PTPRQ: variants seen among roughly 807,000 people sequenced by gnomAD.
PTPRQ encodes the protein phosphatidylinositol phosphatase PTPRQ.
In PTPRQ, 199 loss-of-function variants were observed where a neutral mutation model predicts 246.0. The ratio of observed to expected loss-of-function variants is 0.81; its 90% confidence interval spans 0.72 to 0.91. The LOEUF is 0.91. Ranked by LOEUF, PTPRQ falls within the 40% of genes least tolerant of loss-of-function variation. The pLI is 0.00. For synonymous variants in PTPRQ, 869 were observed against 853.2 expected, an observed-to-expected ratio of 1.02 and a Z score of -0.32; for missense variants, 2,624 against 2,528.4, an observed-to-expected ratio of 1.04 and a Z score of -0.81.
chr12:80,667,508 T>A (rs1274456018), intron 39 of PTPRQ, among the ~76,000 whole-genome samples: 1 of 151,980 alleles, frequency 6.6e-6, no homozygotes, highest in South Asian at 2.1e-4. Context: ...GTAATTTGCA[T>A]ACATAATATA....
intron 24 of PTPRQ, 118 bp from the exon 25 acceptor site, chr12:80,549,347 A>G: frequency 1.6e-6 from 2 of 1,245,830 alleles, no homozygotes; most frequent in Non-Finnish European, 2.2e-6. Context: ...TGAAAATTTG[A>G]TATATTAAAT....
chr12:80,575,164 T>C (rs1403309925), intron 25 of PTPRQ, among the ~76,000 whole-genome samples: 1 of 152,246 alleles, frequency 6.6e-6, no homozygotes, highest in East Asian at 1.9e-4. Context: ...TTTATTAAAA[T>C]ATCTAGTCAC....
intron 17 of PTPRQ, among the ~76,000 whole-genome samples, chr12:80,521,180 T>TATCCTTTGCCC (rs748023803): frequency 6.4e-4 from 98 of 152,356 alleles, no homozygotes; most frequent in Non-Finnish European, 9.4e-4. Flanking sequence ...TGTCTGTTCA[T>TATCCTTTGCCC]ATCCTTTGCC....
chr12:80,533,176 C>G (rs567355890), intron 17 of PTPRQ, among the ~76,000 whole-genome samples: 2 of 151,978 alleles, frequency 1.3e-5, no homozygotes, highest in South Asian at 4.2e-4. Flanking sequence ...AAAAATAATG[C>G]ACATTTTTCA....
At chr12:80,453,271 A>G (rs376860055) in intron 3 of PTPRQ, among the ~76,000 whole-genome samples, 1 of 151,834 alleles carries the variant, frequency 6.6e-6, no homozygotes, top group South Asian at 2.1e-4. Context: ...ATTCGTCTAC[A>G]TTTTTTTCAT....
chr12:80,597,018 G>A (rs1293289926), intron 26 of PTPRQ, among the ~76,000 whole-genome samples: 1 of 151,926 alleles, frequency 6.6e-6, no homozygotes, highest in Non-Finnish European at 1.5e-5. Flanking sequence ...ACTAGGACTT[G>A]AGCAAAGCCT....
chr12:80,564,215 A>G (rs1896915750), intron 25 of PTPRQ, among the ~76,000 whole-genome samples: 1 of 152,070 alleles, frequency 6.6e-6, no homozygotes, highest in African/African-American at 2.4e-5. Flanking sequence ...TAGCATTAAG[A>G]GCAGATTTTT....
chr12:80,547,816 G>T (rs1489680789), intron 24 of PTPRQ, among the ~76,000 whole-genome samples: 1 of 152,072 alleles, frequency 6.6e-6, no homozygotes, highest in Non-Finnish European at 1.5e-5. Context: ...CACAGTAAAT[G>T]CCCACTTCAT....
At chr12:80,595,486 C>A (rs1897939655) in intron 26 of PTPRQ, among the ~76,000 whole-genome samples, 1 of 151,772 alleles carries the variant, frequency 6.6e-6, no homozygotes, top group Non-Finnish European at 1.5e-5. Flanking sequence ...ATTGTTATTG[C>A]CAAAATTAAA....
rs116774917 is a variant in PTPRQ at position 80,660,842 on chromosome 12, G to A, written c.6192+2781G>A. Among the ~76,000 whole-genome samples, 796 of 152,028 alleles carry A rather than the reference G, an allele frequency of 5.2e-3. 3 individuals are homozygous for A. The highest frequency in any genetic ancestry group is 0.017 in the African/African-American group (709 of 41,510). On this transcript the variant is annotated intron_variant, in intron 39 of 44. Coordinates refer to ENST00000644991, the MANE Select transcript of PTPRQ (RefSeq NM_001145026.2). ...CAAAATCAATTTATTAATATTGATCGTCCTCTCTTCTTTGATCCCTCCAAA... is the reference window on the plus strand; with the variant it reads ...CAAAATCAATTTATTAATATTGATCATCCTCTCTTCTTTGATCCCTCCAAA...
chr12:80,542,951 A>C, intron 23 of PTPRQ, 70 bp downstream of exon 23: 1 of 1,111,844 alleles, frequency 9.0e-7, no homozygotes, highest in Non-Finnish European at 1.2e-6. Context: ...TTTGACATAT[A>C]GGAGGAAAAT....
chr12:80,462,221 A>T (rs554194187), intron 6 of PTPRQ, among the ~76,000 whole-genome samples: 2 of 152,246 alleles, frequency 1.3e-5, no homozygotes, highest in East Asian at 2.0e-4. Flanking sequence ...TATCCTGCAC[A>T]TGGCTCAGGG....
chr12:80,458,431 T>C (rs1370099708), intron 4 of PTPRQ, among the ~76,000 whole-genome samples: 1 of 152,180 alleles, frequency 6.6e-6, no homozygotes, highest in Non-Finnish European at 1.5e-5. Flanking sequence ...TCTTATGTAA[T>C]TTATGTGGCT....
rs1893532489 is a variant in PTPRQ at position 80,468,851 on chromosome 12, T to C, written c.1039+13T>C. 1 of 1,543,248 alleles carries C rather than the reference T, an allele frequency of 6.5e-7. No homozygotes were observed. Among genetic ancestry groups the C allele is most frequent in the East Asian group, 2.5e-5 (1 of 40,546 alleles). The stretch of plus-strand genomic sequence containing the variant: ...TATGGACCATCAGGTAAGCCTTAAT[T>C]GGTTTTGTGTTTGCCTTTTGGAGTG... On this transcript the variant is annotated intron_variant, in intron 7 of 44. Coordinates refer to ENST00000644991, the MANE Select transcript of PTPRQ (RefSeq NM_001145026.2).
rs1278995147 is a variant in PTPRQ, at chr12:80,539,909, G to A, written c.3119G>A (p.Ser1040Asn). 7 of 1,548,562 alleles carry A rather than the reference G, an allele frequency of 4.5e-6. No individual in the cohort carries two copies. Among genetic ancestry groups the A allele is most frequent in the African/African-American group, 4.1e-5 (3 of 73,018 alleles). ...ASTSVGNGNK[S>N]SDIIEVYTDQ... ...ACTTCAGTTGGAAATGGGAATAAAA[G>A]CAGTGACATCATTGAAGTATACACA... Residue 1040 changes from serine to asparagine, a missense_variant, in exon 20 of 45, where the codon AGC (serine) becomes AAC (asparagine). Coordinates refer to ENST00000644991, the MANE Select transcript of PTPRQ (RefSeq NM_001145026.2).
At chr12:80,556,457 A>T (rs546186520) in intron 25 of PTPRQ, among the ~76,000 whole-genome samples, 1 of 152,366 alleles carries the variant, frequency 6.6e-6, no homozygotes, top group South Asian at 2.1e-4. Flanking sequence ...GTTAAGAACC[A>T]GTAACCTAAT....
chr12:80,485,446 G>C (rs1349772287), intron 9 of PTPRQ, among the ~76,000 whole-genome samples: 2 of 152,154 alleles, frequency 1.3e-5, no homozygotes, highest in Admixed American at 6.6e-5. Context: ...TGTTGTTTCA[G>C]AATTGCTGCT....
intron 8 of PTPRQ, among the ~76,000 whole-genome samples, chr12:80,483,227 G>T (rs1196891204): frequency 7.6e-6 from 1 of 131,556 alleles, no homozygotes; most frequent in Non-Finnish European, 1.6e-5. Flanking sequence ...TCCTTTGTAG[G>T]GACATGGATG....
intron 26 of PTPRQ, among the ~76,000 whole-genome samples, chr12:80,603,311 T>C (rs11114524): frequency 0.02 from 3,020 of 151,794 alleles, 102 homozygotes; most frequent in African/African-American, 0.068. Context: ...AACTTTTTCA[T>C]AGTTACCTGA....
Sources: gnomAD v4.1 joint callset for allele counts (sites outside exome capture counted in the v4.1 genomes callset) on GRCh38, gnomAD v4.1.1 for gene constraint, MANE v1.5 for transcripts, NCBI Gene and HGNC (gene_info 2026-07-23, HGNC 2026-07-21) for gene names.